The following ZNF814 variants were observed in gnomAD, a reference collection of about 807,000 sequenced individuals.
ZNF814 encodes zinc finger protein 814.
Under a neutral mutation model 7.5 loss-of-function variants are expected in ZNF814, and 5 were observed. The observed-to-expected ratio is 0.67, with a 90% CI of 0.35 to 1.40. The LOEUF (loss-of-function observed/expected upper bound fraction) is 1.40. Among genes scored for constraint, ZNF814 ranks in the 40% most tolerant of loss-of-function variants. The pLI, the probability that ZNF814 is intolerant of heterozygous loss-of-function variation, is 0.04. For missense variants in ZNF814, 962 were observed against 1,018.0 expected (o/e 0.94, Z 0.75); for synonymous variants, 315 against 340.7 (o/e 0.92, Z 0.83).
chr19:57,888,701 G>C, intron 1 of ZNF814, 66 bp downstream of exon 1: 1 of 1,536,304 alleles, frequency 6.5e-7, no homozygotes, highest in South Asian at 1.2e-5. Flanking sequence ...GTGAACAGGC[G>C]CTGCTACCTC....
rs1020806477 is a variant in ZNF814 at position 57,871,184 on chromosome 19, A to T, written c.*1638T>A. 2.0e-5 allele frequency: 3 copies of T among 152,226 alleles called. No individual in the cohort carries two copies. Among genetic ancestry groups the T allele is most frequent in the African/African-American group, 7.2e-5 (3 of 41,454 alleles). The allele number at this position is 152,226 out of a possible 1,614,324, so 9.4% of individuals were successfully genotyped here. A position where few individuals can be genotyped will look rare whatever the true frequency, so the allele number is the denominator to read the frequency against. On this transcript the variant is annotated 3_prime_UTR_variant, in exon 3 of 3. Coordinates refer to ENST00000435989, the MANE Select transcript of ZNF814 (RefSeq NM_001144989.2). ...TGGGCAACAGACTTCCCTCAGCCGT[A>T]CCAAGTACAATGCAATATACCTCGT... is the stretch of plus-strand genomic sequence containing the variant.
rs1160992529 is a variant in ZNF814, at chr19:57,875,348, T to C, written c.164-122A>G. On this transcript the variant is annotated intron_variant, in intron 2 of 2. Transcript: ENST00000435989. ...AGGAACTACTTGGAGGAACAGGATG[T>C]TGGCTTCAGGCGGAAGATGGTGCTA... The C allele has an allele frequency of 5.6e-6, 9 of 1,599,568 alleles. No individual in the cohort carries two copies. The East Asian group carries it at 9.0e-5, about 16-fold the overall frequency.
At chr19:57,889,984 G>A (rs189852227), upstream of ZNF814, among the ~76,000 whole-genome samples, 23 of 152,342 alleles carry the variant, frequency 1.5e-4, no homozygotes, top group East Asian at 3.7e-3. Context: ...GTTATTGGCT[G>A]TAACTGATTA....
rs1406221309 is a variant in ZNF814, at chr19:57,874,436, G to A, written c.954C>T (p.His318=). ...YVSFSNHQRV[H]TGKRPYECGE... ...CACATTCATAAGGTCTTTTCCCAGT[G>A]TGAACTCTCTGATGATTACTGAAGC... Residue 318 remains histidine (H), a synonymous_variant, in exon 3 of 3, where the codon CAC becomes CAT. Transcript: ENST00000435989. 4 of 1,433,450 alleles carry A rather than the reference G, an allele frequency of 2.8e-6. No individual in the cohort carries two copies. The highest frequency in any genetic ancestry group is 3.7e-6 in the Non-Finnish European group (4 of 1,089,052). The allele number at this position is 1,433,450 out of a possible 1,614,324, so 88.8% of individuals were successfully genotyped here. A position where few individuals can be genotyped will look rare whatever the true frequency, so the allele number is the denominator to read the frequency against.
chr19:57,883,226 C>T (rs1283503561), intron 1 of ZNF814, among the ~76,000 whole-genome samples: 9 of 151,944 alleles, frequency 5.9e-5, no homozygotes, highest in South Asian at 2.1e-4. Flanking sequence ...GGTGAGGTGG[C>T]GGGCACCTGT....
In ZNF814 at chr19:57,876,237, T is replaced by C. The variant is rs547078460; in HGVS notation, c.163+679A>G. Among the ~76,000 whole-genome samples the C allele has an allele frequency of 4.1e-4, 62 of 151,936 alleles. 1 individual carries two copies. In the East Asian group the frequency reaches 6.2e-3, roughly 15 times the overall value. ...TCCCAAAGTGCTGGGATTACAGGAG[T>C]GAGCCACCATCCCCAGCCCAGGGTG... On this transcript the variant is annotated intron_variant, in intron 2 of 2. Transcript: ENST00000435989.
At position 57,873,755 on chromosome 19, in the gene ZNF814, G is replaced by A. The variant is rs750484137; in HGVS notation, c.1635C>T (p.Asp545=). 2.5e-6 allele frequency: 4 copies of A among 1,612,056 alleles called. No individual in the cohort carries two copies. The Admixed American group carries it at 5.0e-5, about 20-fold the overall frequency. The change falls in exon 3 of 3, where the codon GAC becomes GAT. Residue 545 remains aspartate (D), a synonymous_variant. Coordinates refer to ENST00000435989, the MANE Select transcript of ZNF814 (RefSeq NM_001144989.2). ...LRNHQQIHTG[D]RLYECGECGK... Reference sequence around the variant, plus strand: ...CACACTCTCCACACTCATAAAGTCTGTCCCCAGTGTGAATTTGCTGATGGT... The same window carrying A: ...CACACTCTCCACACTCATAAAGTCTATCCCCAGTGTGAATTTGCTGATGGT...
At chr19:57,888,533 C>A (rs2071712045) in intron 1 of ZNF814, among the ~76,000 whole-genome samples, 1 of 152,142 alleles carries the variant, frequency 6.6e-6, no homozygotes, top group South Asian at 2.1e-4. Flanking sequence ...ACCTGTGGAC[C>A]CCAGATTCCA....
chr19:57,877,890 C>G (rs867949609), intron 1 of ZNF814, among the ~76,000 whole-genome samples: 3 of 151,986 alleles, frequency 2.0e-5, no homozygotes, highest in African/African-American at 7.2e-5. Flanking sequence ...TTGAGCCAGG[C>G]GCGGTGGCTC....
intron 1 of ZNF814, among the ~76,000 whole-genome samples, chr19:57,883,020 A>T (rs1329960964): frequency 1.4e-4 from 22 of 152,256 alleles, no homozygotes; most frequent in Admixed American, 1.4e-3. Context: ...ACGGAGAAAG[A>T]ATTCAGAATT....
At chr19:57,898,463 G>A in the ZNF814 span, among the ~76,000 whole-genome samples, 1 of 152,184 alleles carries the variant, frequency 6.6e-6, no homozygotes, top group Non-Finnish European at 1.5e-5. Context: ...TCATTTTTAG[G>A]AGCGGCTATT....
At chr19:57,878,127 T>C (rs906738396) in intron 1 of ZNF814, among the ~76,000 whole-genome samples, 8 of 146,326 alleles carry the variant, frequency 5.5e-5, no homozygotes, top group African/African-American at 7.7e-5. Context: ...GATTGCGCCG[T>C]TGCACTCTAG....
At chr19:57,901,060 T>A in the ZNF814 span, among the ~76,000 whole-genome samples, 3 of 149,170 alleles carry the variant, frequency 2.0e-5, no homozygotes, top group Admixed American at 1.3e-4. Flanking sequence ...GTGGTCTTGA[T>A]CTCCTGACCT....
Position 57,869,671 on chromosome 19 carries a change from G to GCC in ZNF814, c.*3150_*3151insGG, listed in dbSNP as rs2071539365. On this transcript the variant is annotated 3_prime_UTR_variant, in exon 3 of 3. Coordinates refer to ENST00000435989, the MANE Select transcript of ZNF814 (RefSeq NM_001144989.2). ...CTTTAAAATATACTTCAGACTGGCA[G>GCC]CAGTGGCTCACACCTGTATTCCCAC... The GCC allele has an allele frequency of 1.3e-5, 2 of 152,162 alleles. No individual in the cohort carries two copies. Among genetic ancestry groups the GCC allele is most frequent in the African/African-American group, 4.8e-5 (2 of 41,420 alleles). The allele number at this position is 152,162 out of a possible 1,614,324, so 9.4% of individuals were successfully genotyped here.
rs1001183358 is a variant in ZNF814, at chr19:57,879,979, C to T, written c.37-2937G>A. Among the ~76,000 whole-genome samples, 11 of 116,788 alleles carry T rather than the reference C, an allele frequency of 9.4e-5. 1 individual carries two copies. Among genetic ancestry groups the T allele is most frequent in the Middle Eastern group, 8.0e-3 (2 of 250 alleles). The allele number at this position is 116,788 out of a possible 152,430, so 76.6% of individuals were successfully genotyped here. The stretch of plus-strand genomic sequence containing the variant: ...CGTGATGCCGTGTGCCTCCTGTGGT[C>T]CCAGCTACTCAGGAGGCTGAGGCAG... On this transcript the variant is annotated intron_variant, in intron 1 of 2. Transcript: ENST00000435989.
chr19:57,876,471 A>C (rs1457563360), intron 2 of ZNF814: 4 of 196,826 alleles, frequency 2.0e-5, no homozygotes, highest in Non-Finnish European at 4.1e-5. Context: ...CCCATGAGAG[A>C]AAAAAACTGA....
intron 2 of ZNF814, among the ~76,000 whole-genome samples, chr19:57,876,024 G>C (rs1437080241): frequency 6.9e-6 from 1 of 145,922 alleles, no homozygotes; most frequent in Non-Finnish European, 1.5e-5. Context: ...GCAGTGGTGC[G>C]ATCTGGGCTC....
upstream of ZNF814, among the ~76,000 whole-genome samples, chr19:57,893,589 C>A (rs1041719561): frequency 3.3e-5 from 5 of 151,550 alleles, no homozygotes; most frequent in African/African-American, 9.7e-5. Flanking sequence ...ACAGCCTGAC[C>A]AACATGGTGA....
At chr19:57,879,340 T>C (rs938555329) in intron 1 of ZNF814, among the ~76,000 whole-genome samples, 1 of 148,500 alleles carries the variant, frequency 6.7e-6, no homozygotes, top group African/African-American at 2.5e-5. Flanking sequence ...TCTGCCTGCA[T>C]CTCATCTCTA....
Sources: allele counts gnomAD v4.1 joint callset (sites outside exome capture counted in the v4.1 genomes callset), GRCh38; gene constraint gnomAD v4.1.1; transcripts MANE v1.5; gene names NCBI Gene and HGNC (gene_info 2026-07-23, HGNC 2026-07-21).